The following FGD2 variants were observed in gnomAD, a reference collection of about 807,000 sequenced individuals.
FGD2 encodes the protein FYVE, RhoGEF and PH domain-containing protein 2.
In FGD2, 52 loss-of-function variants were observed where a neutral mutation model predicts 75.9. The ratio of observed to expected loss-of-function variants is 0.69; its 90% CI spans 0.55 to 0.86. The LOEUF is 0.86. Ranked by LOEUF, FGD2 falls within the 40% of genes least tolerant of loss-of-function variation. The pLI, the probability that FGD2 is intolerant of heterozygous loss-of-function variation, is 0.00. For synonymous variants in FGD2, 347 were observed against 348.6 expected (o/e 1.00, Z 0.05); for missense variants, 790 against 872.0 (o/e 0.91, Z 1.18).
At chr6:37,027,690 C>A in intron 15 of FGD2, 115 bp downstream of exon 15, 2 of 1,349,070 alleles carry the variant, frequency 1.5e-6, no homozygotes, top group Non-Finnish European at 2.0e-6. Context: ...GAAACTGAGG[C>A]CCAATGAGGA....
chr6:37,026,843 T>C (rs1380812429), intron 14 of FGD2, among the ~76,000 whole-genome samples: 1 of 142,264 alleles, frequency 7.0e-6, no homozygotes, highest in Non-Finnish European at 1.5e-5. Context: ...CTACTAAAAA[T>C]ACAAAAAAAA....
At chr6:37,013,375 C>T (rs933582433) in intron 4 of FGD2, 24 of 1,212,158 alleles carry the variant, frequency 2.0e-5, no homozygotes, top group African/African-American at 1.2e-4. Flanking sequence ...AACACTGTGC[C>T]GGGCCTTGTG....
chr6:37,022,499 G>A (rs1174265748), intron 13 of FGD2, 129 bp downstream of exon 13: 30 of 1,321,532 alleles, frequency 2.3e-5, no homozygotes, highest in Middle Eastern at 1.9e-4. Flanking sequence ...GCCCCACCTC[G>A]GCCTCCATCT....
chr6:37,014,531 T>C (rs1334863863), intron 6 of FGD2, 115 bp from the exon 7 acceptor site: 1 of 1,182,960 alleles, frequency 8.5e-7, no homozygotes, highest in East Asian at 2.7e-5. Flanking sequence ...GCAGGGCTGC[T>C]CCTGGGGGCT....
chr6:37,006,648 G>A (rs536715153), intron 1 of FGD2, among the ~76,000 whole-genome samples: 1 of 152,242 alleles, frequency 6.6e-6, no homozygotes, highest in East Asian at 1.9e-4. Flanking sequence ...TGTGTGTTAT[G>A]TGTGGCATCA....
chr6:37,020,470 C>T, intron 9 of FGD2, 71 bp from the exon 10 acceptor site: 1 of 1,412,368 alleles, frequency 7.1e-7, no homozygotes. Flanking sequence ...CACCTCCCTC[C>T]CCTCCACAGT....
At chr6:37,027,684 CTG>C in intron 15 of FGD2, 109 bp downstream of exon 15, 1 of 1,396,142 alleles carries the variant, frequency 7.2e-7, no homozygotes, top group South Asian at 1.3e-5. Context: ...GATAGGGAAA[CTG>C]AGGCCCAATG....
In FGD2 at chr6:37,028,084, G is replaced by A. The variant is rs1765915414; in HGVS notation, c.1889G>A (p.Gly630Asp). ...AAGGCCGAGACGGAGGAGCTGAAGG[G>A]CCGCTGGGTGAAGGCCATGGAGCGG... ...TFKAETEELK[G>D]RWVKAMERAA... is the part of the protein sequence containing the mutation. Residue 630 changes from glycine to aspartate, a missense_variant, in exon 16 of 16, where the codon GGC becomes GAC. Coordinates refer to ENST00000274963, the MANE Select transcript of FGD2 (RefSeq NM_173558.4). The A allele has an allele frequency of 6.2e-7, 1 of 1,613,484 alleles. No homozygotes were observed.
chr6:37,025,736 G>A, intron 13 of FGD2, 56 bp from the exon 14 acceptor site: 1 of 1,605,892 alleles, frequency 6.2e-7, no homozygotes, highest in African/African-American at 1.3e-5. Context: ...CAAGGCAGGA[G>A]CCCAGCCCTC....
At chr6:37,025,737 C>G (rs1765787265) in intron 13 of FGD2, 55 bp from the exon 14 acceptor site, 1 of 1,603,582 alleles carries the variant, frequency 6.2e-7, no homozygotes, top group African/African-American at 1.3e-5. Context: ...AAGGCAGGAG[C>G]CCAGCCCTCC....
intron 3 of FGD2, chr6:37,011,501 T>C (rs1765002586): frequency 3.1e-6 from 2 of 653,462 alleles, no homozygotes; most frequent in Non-Finnish European, 5.2e-6. Flanking sequence ...GCCAAGTCCC[T>C]GCATCTCTAG....
intron 13 of FGD2, chr6:37,025,517 G>C (rs1393750989): frequency 6.3e-6 from 3 of 473,906 alleles, no homozygotes; most frequent in African/African-American, 5.8e-5. Context: ...GAACCTGGAG[G>C]GGAGAGAAGT....
In FGD2 at chr6:37,015,843, G is replaced by T. The variant is rs779622760; in HGVS notation, c.1105G>T (p.Asp369Tyr). Reference sequence around the variant, plus strand: ...CCAGTTCCAGGTGAGGACCCGCATCGATGTGGCCGGGATGAAGGTAAGAGG... The same window carrying T: ...CCAGTTCCAGGTGAGGACCCGCATCTATGTGGCCGGGATGAAGGTAAGAGG... ...GAQFQVRTRI[D>Y]VAGMKVRELM... Residue 369 changes from aspartate (D) to tyrosine (Y), a missense_variant, in exon 9 of 16, where the codon GAT becomes TAT. Physicochemically the swap from Asp to Tyr is radical, Grantham distance 160 (BLOSUM62 -3). Transcript: ENST00000274963. 1.3e-6 allele frequency: 2 copies of T among 1,585,650 alleles called. No individual in the cohort carries two copies. Among genetic ancestry groups the T allele is most frequent in the East Asian group, 4.6e-5 (2 of 43,898 alleles).
intron 14 of FGD2, 39 bp from the exon 15 acceptor site, chr6:37,027,390 G>GCTGCT: frequency 6.4e-7 from 1 of 1,573,000 alleles, no homozygotes; most frequent in Non-Finnish European, 8.7e-7. Flanking sequence ...GGCACTTGCG[G>GCTGCT]CTGCTCTGCT....
At chr6:37,023,783 T>C (rs2150783042) in intron 13 of FGD2, 1 of 152,368 alleles carries the variant, frequency 6.6e-6, no homozygotes, top group South Asian at 2.1e-4. Context: ...TTCCTGGTGA[T>C]TCACTTCTGT....
intron 1 of FGD2, among the ~76,000 whole-genome samples, chr6:37,007,233 A>G (rs1167872262): frequency 1.3e-5 from 2 of 152,184 alleles, no homozygotes; most frequent in African/African-American, 4.8e-5. Context: ...CGGATGCTGT[A>G]TTGAGGGCAC....
intron 9 of FGD2, among the ~76,000 whole-genome samples, chr6:37,018,849 G>A (rs1765431571): frequency 6.6e-6 from 1 of 152,186 alleles, no homozygotes; most frequent in African/African-American, 2.4e-5. Flanking sequence ...TTTTGAGGAA[G>A]GCTGTCCTTT....
chr6:37,011,759 G>A lies in FGD2; in HGVS notation c.432G>A (p.Glu144=), dbSNP rs1285730061. 1.2e-6 allele frequency: 2 copies of A among 1,614,174 alleles called. No homozygotes were observed. The highest frequency in any genetic ancestry group is 4.5e-5 in the East Asian group (2 of 44,874). Residue 144 remains glutamate, a synonymous_variant, in exon 4 of 16, where the codon GAG becomes GAA. Transcript: ENST00000274963. ...CCCGCAGCAGCAAGGCCTTCCCAGAGGATGTGGTCAGGGTCATCTTCTCCA... is the reference window on the plus strand; with the variant it reads ...CCCGCAGCAGCAAGGCCTTCCCAGAAGATGTGGTCAGGGTCATCTTCTCCA... ...KTARSSKAFP[E]DVVRVIFSNI...
At chr6:37,012,125 C>T (rs867420354) in intron 4 of FGD2, 117 of 375,812 alleles carry the variant, frequency 3.1e-4, no homozygotes, top group Middle Eastern at 2.8e-3. Flanking sequence ...TGAAAATAGC[C>T]AGTGCCAACT....
Sources: gnomAD v4.1 joint callset for allele counts (sites outside exome capture counted in the v4.1 genomes callset) on GRCh38, gnomAD v4.1.1 for gene constraint, MANE v1.5 for transcripts, NCBI Gene and HGNC (gene_info 2026-07-23, HGNC 2026-07-21) for gene names.